The following UPK1B variants were observed in gnomAD, a reference collection of about 807,000 sequenced individuals.
UPK1B encodes the protein uroplakin-1b.
A neutral mutation model predicts 34.2 loss-of-function variants in UPK1B; 28 were observed. The ratio of observed to expected loss-of-function variants is 0.82; its 90% CI spans 0.61 to 1.12. The LOEUF (loss-of-function observed/expected upper bound fraction) is 1.12. UPK1B is among the 50% of genes most tolerant of loss of function. The pLI is 0.00. For synonymous variants in UPK1B, 81 were observed against 110.4 expected (o/e 0.73, Z 1.67); for missense variants, 325 against 320.9 (o/e 1.01, Z -0.10).
intron 6 of UPK1B, among the ~76,000 whole-genome samples, chr3:119,197,200 G>C (rs551757928): frequency 1.3e-5 from 2 of 152,124 alleles, no homozygotes; most frequent in African/African-American, 2.4e-5. Context: ...CATGTCAGAT[G>C]CAAATATATA....
At chr3:119,202,183 G>A (rs1212675474) in intron 7 of UPK1B, among the ~76,000 whole-genome samples, 1 of 152,198 alleles carries the variant, frequency 6.6e-6, no homozygotes, top group East Asian at 1.9e-4. Context: ...GGTAGCCAGT[G>A]TCCTGTCTTA....
chr3:119,188,775 C>A (rs4450805), intron 3 of UPK1B, among the ~76,000 whole-genome samples: 2 of 152,178 alleles, frequency 1.3e-5, no homozygotes, highest in South Asian at 2.1e-4. Context: ...AACACGCCTC[C>A]AATCCCCCAC....
chr3:119,179,527 T>TTTTTTTTTTTTTTTG (rs1553741698), intron 1 of UPK1B, among the ~76,000 whole-genome samples: 1 of 131,568 alleles, frequency 7.6e-6, no homozygotes, highest in Non-Finnish European at 1.6e-5. Context: ...TTTTTTTTTT[T>TTTTTTTTTTTTTTTG]GAGACGGAGT....
chr3:119,176,049 A>G (rs72955039), intron 1 of UPK1B: 1 of 152,136 alleles, frequency 6.6e-6, no homozygotes, highest in Non-Finnish European at 1.5e-5. Context: ...GTGACCTACA[A>G]TCTCCACACC....
At chr3:119,195,129 T>C (rs2078060863) in intron 6 of UPK1B, among the ~76,000 whole-genome samples, 1 of 152,208 alleles carries the variant, frequency 6.6e-6, no homozygotes, top group African/African-American at 2.4e-5. Context: ...ACACAACTAG[T>C]AAATGTCCGT....
chr3:119,194,271 C>T lies in UPK1B; in HGVS notation c.521C>T (p.Ala174Val). 6.2e-7 allele frequency: 1 copy of T among 1,613,994 alleles called. No individual in the cohort carries two copies. The highest frequency in any genetic ancestry group is 8.5e-7 in the Non-Finnish European group (1 of 1,179,910). ...TCAGACTGGCAAAAATACACATCTG[C>T]CTTCCGGACTGAGAATAATGATGCT... ...GPSDWQKYTSAFRTENNDADY... is the reference protein window; with the variant it reads ...GPSDWQKYTSVFRTENNDADY... The change falls in exon 6 of 8, where the codon GCC (alanine) becomes GTC (valine). Residue 174 changes from alanine (A) to valine (V), a missense_variant. Ala to Val is a moderately conservative substitution (Grantham distance 64). Transcript: ENST00000264234.
At chr3:119,197,460 G>A (rs998588845) in intron 6 of UPK1B, among the ~76,000 whole-genome samples, 6 of 152,076 alleles carry the variant, frequency 3.9e-5, no homozygotes, top group African/African-American at 1.4e-4. Context: ...GGCATAAGTG[G>A]GCCCTTATAT....
chr3:119,185,078 G>T (rs930767904), intron 1 of UPK1B, among the ~76,000 whole-genome samples: 13 of 152,216 alleles, frequency 8.5e-5, no homozygotes, highest in African/African-American at 3.1e-4. Context: ...TAAGCAGAAA[G>T]AAATGAATGG....
rs1237408950 is a variant in UPK1B at position 119,189,342 on chromosome 3, A to G, written c.271-903A>G. Among the ~76,000 whole-genome samples, 4 of 152,184 alleles carry G rather than the reference A, an allele frequency of 2.6e-5. No homozygotes were observed. The East Asian group carries it at 5.8e-4, about 22-fold the overall frequency. Reference sequence around the variant, plus strand: ...CCTGCTCGGAGAGCCTCCCATACCCAAAGAGGAGGACAGTTTTCCCTGCCT... The same window carrying G: ...CCTGCTCGGAGAGCCTCCCATACCCGAAGAGGAGGACAGTTTTCCCTGCCT... On this transcript the variant is annotated intron_variant, in intron 3 of 7. Coordinates refer to ENST00000264234, the MANE Select transcript of UPK1B (RefSeq NM_006952.4).
At chr3:119,199,896 C>T (rs1474514893) in intron 7 of UPK1B, among the ~76,000 whole-genome samples, 3 of 152,104 alleles carry the variant, frequency 2.0e-5, no homozygotes, top group Non-Finnish European at 4.4e-5. Flanking sequence ...TTGGCATTTA[C>T]CCCATTGGAA....
intron 5 of UPK1B, 101 bp downstream of exon 5, chr3:119,191,205 G>A: frequency 7.4e-7 from 1 of 1,345,618 alleles, no homozygotes; most frequent in Non-Finnish European, 1.0e-6. Context: ...TTCAAGCCAT[G>A]ATGATTAGCT....
chr3:119,176,587 G>A (rs2077958106), intron 1 of UPK1B, among the ~76,000 whole-genome samples: 2 of 152,304 alleles, frequency 1.3e-5, no homozygotes. Flanking sequence ...CCCACAGGGC[G>A]GGGTGCACAG....
At chr3:119,195,923 C>T (rs2078065232) in intron 6 of UPK1B, among the ~76,000 whole-genome samples, 1 of 152,140 alleles carries the variant, frequency 6.6e-6, no homozygotes, top group African/African-American at 2.4e-5. Flanking sequence ...ACCTCCACAC[C>T]CATTTTGACA....
chr3:119,181,047 C>T (rs1348956213), intron 1 of UPK1B, among the ~76,000 whole-genome samples: 1 of 152,198 alleles, frequency 6.6e-6, no homozygotes, highest in Non-Finnish European at 1.5e-5. Context: ...TTTGAGTGTC[C>T]TCTTACTTCT....
intron 5 of UPK1B, among the ~76,000 whole-genome samples, chr3:119,192,482 CAAT>C (rs1434582279): frequency 6.6e-6 from 1 of 152,216 alleles, no homozygotes; most frequent in Non-Finnish European, 1.5e-5. Context: ...AATGGGCACA[CAAT>C]ATTTCCTAGT....
chr3:119,197,901 A>G (rs2107437404), intron 6 of UPK1B, among the ~76,000 whole-genome samples: 1 of 152,350 alleles, frequency 6.6e-6, no homozygotes, highest in East Asian at 1.9e-4. Context: ...AAGTGAGAAA[A>G]TGAGACACCG....
intron 1 of UPK1B, among the ~76,000 whole-genome samples, chr3:119,180,524 A>G (rs984334028): frequency 6.6e-6 from 1 of 152,224 alleles, no homozygotes; most frequent in Non-Finnish European, 1.5e-5. Context: ...ACAAAACTCA[A>G]GAAGCTATTA....
rs200460242 is a variant in UPK1B at position 119,203,905 on chromosome 3, T to A, written c.733-12T>A. The A allele has an allele frequency of 6.2e-7, 1 of 1,613,884 alleles. No homozygotes were observed. The highest frequency in any genetic ancestry group is 8.5e-7 in the Non-Finnish European group (1 of 1,179,808). On this transcript the variant is annotated splice_polypyrimidine_tract_variant and intron_variant, in intron 7 of 7. Transcript: ENST00000264234. The stretch of plus-strand genomic sequence containing the variant: ...TCCCTTGTTTATTTTTCCTTGTTTT[T>A]TTCTATTCCAGTTTTGGGTTCTCCT...
intron 7 of UPK1B, among the ~76,000 whole-genome samples, chr3:119,199,388 T>C (rs1167875269): frequency 1.3e-5 from 2 of 152,186 alleles, no homozygotes; most frequent in African/African-American, 2.4e-5. Context: ...GATGGGCAGC[T>C]GCCTTTAGAG....
Sources: allele counts gnomAD v4.1 joint callset (sites outside exome capture counted in the v4.1 genomes callset), GRCh38; gene constraint gnomAD v4.1.1; transcripts MANE v1.5; gene names NCBI Gene and HGNC (gene_info 2026-07-23, HGNC 2026-07-21).